PRIM1: variants seen among roughly 807,000 people sequenced by gnomAD.
PRIM1 encodes DNA primase small subunit.
A neutral mutation model predicts 60.2 loss-of-function variants in PRIM1; 38 were observed. That is an observed-to-expected ratio of 0.63 (90% CI 0.49 to 0.83). PRIM1 has a LOEUF of 0.83. Among genes scored for constraint, PRIM1 ranks in the 40% least tolerant of loss-of-function variants. The pLI is 0.00. For synonymous variants in PRIM1, 158 were observed against 160.2 expected (o/e 0.99, Z 0.10); for missense variants, 388 against 506.2 (o/e 0.77, Z 2.24).
chr12:56,749,184 T>A (rs1216639336), intron 2 of PRIM1, among the ~76,000 whole-genome samples: 2 of 152,226 alleles, frequency 1.3e-5, no homozygotes, highest in Non-Finnish European at 1.5e-5. Context: ...GTTTTTGTAT[T>A]TTTTGGTAGA....
chr12:56,741,712 T>TTA, intron 8 of PRIM1, 34 bp downstream of exon 8: 3 of 1,597,592 alleles, frequency 1.9e-6, no homozygotes, highest in Non-Finnish European at 2.6e-6. Flanking sequence ...AATTGCATTA[T>TTA]TATATCTGTA....
intron 11 of PRIM1, among the ~76,000 whole-genome samples, chr12:56,737,401 G>C (rs904043879): frequency 5.3e-5 from 8 of 150,764 alleles, no homozygotes; most frequent in African/African-American, 2.0e-4. Context: ...CCAGGCTGGA[G>C]TGCAATGGCG....
At chr12:56,739,204 G>A in intron 10 of PRIM1, 90 bp downstream of exon 10, 1 of 975,296 alleles carries the variant, frequency 1.0e-6, no homozygotes, top group Non-Finnish European at 1.4e-6. Context: ...CCATTCCCAT[G>A]CAACTACTTC....
chr12:56,739,448 T>C, intron 9 of PRIM1, 85 bp from the exon 10 acceptor site: 5 of 931,618 alleles, frequency 5.4e-6, no homozygotes, highest in Non-Finnish European at 7.7e-6. Context: ...TGGTTAAAAT[T>C]TTTATTTAAG....
At chr12:56,744,750 A>AT (rs147645616) in intron 5 of PRIM1, among the ~76,000 whole-genome samples, 11,281 of 152,100 alleles carry the variant, frequency 0.074, 480 homozygotes, top group African/African-American at 0.098. Flanking sequence ...AAAGTGATGT[A>AT]TTTCTCAGGA....
At chr12:56,749,204 T>C (rs1384524392) in intron 2 of PRIM1, among the ~76,000 whole-genome samples, 1 of 152,080 alleles carries the variant, frequency 6.6e-6, no homozygotes, top group African/African-American at 2.4e-5. Flanking sequence ...AGACAGAGTT[T>C]TACCATGTTG....
chr12:56,745,131 G>C (rs1953897582), intron 5 of PRIM1, among the ~76,000 whole-genome samples: 1 of 151,858 alleles, frequency 6.6e-6, no homozygotes, highest in African/African-American at 2.4e-5. Flanking sequence ...AAATTTGTAG[G>C]CTGGATGTAG....
chr12:56,735,512 A>G (rs929332393), intron 11 of PRIM1, among the ~76,000 whole-genome samples: 1 of 152,136 alleles, frequency 6.6e-6, no homozygotes, highest in Non-Finnish European at 1.5e-5. Context: ...CTCCCACCTC[A>G]GCCTCCCAAG....
Position 56,746,027 on chromosome 12 carries a change from G to C in PRIM1, c.579+18C>G. The C allele has an allele frequency of 6.3e-7, 1 of 1,586,714 alleles. No homozygotes were observed. The highest frequency in any genetic ancestry group is 8.5e-7 in the Non-Finnish European group (1 of 1,170,410). ...CTAGAAACTAAAGCAATGCAAATTA[G>C]AATTAAGAGGATCTTACCTTTACAA... On this transcript the variant is annotated intron_variant, in intron 5 of 12. Transcript: ENST00000338193.
chr12:56,740,495 T>C (rs1278169470), intron 9 of PRIM1, among the ~76,000 whole-genome samples: 1 of 152,032 alleles, frequency 6.6e-6, no homozygotes, highest in African/African-American at 2.4e-5. Flanking sequence ...AGTGACGTAA[T>C]GAGGCTGGGC....
At chr12:56,739,225 C>A in intron 10 of PRIM1, 69 bp downstream of exon 10, 1 of 1,213,402 alleles carries the variant, frequency 8.2e-7, no homozygotes, top group Non-Finnish European at 1.1e-6. Context: ...TCTAAGGAGG[C>A]TAATTCAATT....
chr12:56,746,900 C>T (rs1953912319), intron 3 of PRIM1, 26 bp downstream of exon 3: 1 of 1,612,904 alleles, frequency 6.2e-7, no homozygotes, highest in East Asian at 2.2e-5. Context: ...ACCACCCACC[C>T]TAACAGCAAG....
At chr12:56,736,560 G>C (rs1286961863) in intron 11 of PRIM1, among the ~76,000 whole-genome samples, 1 of 151,396 alleles carries the variant, frequency 6.6e-6, no homozygotes, top group Non-Finnish European at 1.5e-5. Context: ...CTGGAGTGCA[G>C]TGGCGCAACT....
intron 2 of PRIM1, among the ~76,000 whole-genome samples, chr12:56,747,386 T>C (rs1204438533): frequency 1.1e-5 from 1 of 91,670 alleles, no homozygotes; most frequent in Non-Finnish European, 2.5e-5. Context: ...CATAGAAGTA[T>C]TTAAAAATTT....
rs1041602970 is a variant in PRIM1, at chr12:56,743,058, T to C, written c.677A>G (p.Tyr226Cys). 6.5e-7 allele frequency: 1 copy of C among 1,534,570 alleles called. No homozygotes were observed. The highest frequency in any genetic ancestry group is 8.7e-7 in the Non-Finnish European group (1 of 1,143,460). ...GAGAATATCTTGATTAACCAAGGCATATTCTTCAAAGTATTTTTTTATTAT... is the reference window on the plus strand; with the variant it reads ...GAGAATATCTTGATTAACCAAGGCACATTCTTCAAAGTATTTTTTTATTAT... ...INIIKKYFEE[Y>C]ALVNQDILEN... Residue 226 changes from tyrosine (Y) to cysteine (C), a missense_variant, in exon 7 of 13, where the codon TAT (tyrosine) becomes TGT (cysteine). This residue lies in a region of PRIM1 where 211 missense variants were observed against 277.9 expected (regional missense o/e 0.76). Coordinates refer to ENST00000338193, the MANE Select transcript of PRIM1 (RefSeq NM_000946.3).
intron 5 of PRIM1, among the ~76,000 whole-genome samples, chr12:56,745,357 G>A (rs1953898960): frequency 6.6e-6 from 1 of 151,902 alleles, no homozygotes; most frequent in Admixed American, 6.6e-5. Context: ...GCTGCAGTGA[G>A]CTGTGGTCAC....
intron 2 of PRIM1, among the ~76,000 whole-genome samples, chr12:56,748,276 C>G (rs1425037089): frequency 6.6e-6 from 1 of 152,124 alleles, no homozygotes; most frequent in Non-Finnish European, 1.5e-5. Context: ...CCTTTCCACC[C>G]ACTTCTGTAC....
At chr12:56,732,767 C>T (rs949428600) in intron 12 of PRIM1, among the ~76,000 whole-genome samples, 1 of 96,160 alleles carries the variant, frequency 1.0e-5, no homozygotes, top group Non-Finnish European at 2.3e-5. Flanking sequence ...TGGCCTTTTT[C>T]CACCTCCATA....
chr12:56,740,552 G>A (rs113010863), intron 9 of PRIM1, among the ~76,000 whole-genome samples: 3,319 of 152,230 alleles, frequency 0.022, 52 homozygotes, highest in South Asian at 0.036. Flanking sequence ...GACTGGGGCA[G>A]GTGAATTGCT....
Sources: gnomAD v4.1 joint callset for allele counts (sites outside exome capture counted in the v4.1 genomes callset) on GRCh38, gnomAD v4.1.1 for gene constraint, gnomAD v4.1.1 regional missense constraint, MANE v1.5 for transcripts, NCBI Gene and HGNC (gene_info 2026-07-23, HGNC 2026-07-21) for gene names.